SDK1: variants seen among roughly 807,000 people sequenced by gnomAD.
SDK1 encodes the protein sidekick cell adhesion molecule 1.
Under a neutral mutation model 245.5 loss-of-function variants are expected in SDK1, and 157 were observed. The ratio of observed to expected loss-of-function variants is 0.64; its 90% CI spans 0.56 to 0.73. The LOEUF (loss-of-function observed/expected upper bound fraction) is 0.73, where lower values mean the gene tolerates loss of function less well. Ranked by LOEUF, SDK1 falls within the 30% of genes least tolerant of loss-of-function variation. The pLI, the probability that SDK1 is intolerant of heterozygous loss-of-function variation, is 0.00. For synonymous variants in SDK1, 1,647 were observed against 1,278.5 expected, an observed-to-expected ratio of 1.29 and a Z score of -6.15; for missense variants, 3,583 against 3,002.3, an observed-to-expected ratio of 1.19 and a Z score of -4.52.
In SDK1 at chr7:3,313,030, T is replaced by C. The variant is rs113602212; in HGVS notation, c.298+11146T>C. Among the ~76,000 whole-genome samples, 5 of 152,114 alleles carry C rather than the reference T, an allele frequency of 3.3e-5. 1 individual carries two copies. Among genetic ancestry groups the C allele is most frequent in the South Asian group, 4.1e-4 (2 of 4,828 alleles). Reference sequence around the variant, plus strand: ...GCATTTTGTTCATAGCAGAAGATGATTGAATAATAACATCAAAGGCTGGAA... The same window carrying C: ...GCATTTTGTTCATAGCAGAAGATGACTGAATAATAACATCAAAGGCTGGAA... On this transcript the variant is annotated intron_variant, in intron 1 of 44. Coordinates refer to ENST00000404826, the MANE Select transcript of SDK1 (RefSeq NM_152744.4).
At chr7:3,755,559 C>G (rs1779897777) in intron 4 of SDK1, among the ~76,000 whole-genome samples, 1 of 152,104 alleles carries the variant, frequency 6.6e-6, no homozygotes, top group South Asian at 2.1e-4. Flanking sequence ...ATTCGTACCC[C>G]ACACTATTCA....
At chr7:4,115,897 A>G (rs748268284) in intron 25 of SDK1, among the ~76,000 whole-genome samples, 14 of 152,228 alleles carry the variant, frequency 9.2e-5, no homozygotes, top group Admixed American at 2.0e-4. Flanking sequence ...GGAAATGGAC[A>G]GAAAGATGAG....
intron 3 of SDK1, among the ~76,000 whole-genome samples, chr7:3,641,148 A>G (rs1782636088): frequency 6.6e-6 from 1 of 152,176 alleles, no homozygotes; most frequent in Admixed American, 6.5e-5. Flanking sequence ...TTGACTGAAG[A>G]AGACATTGAT....
At chr7:3,821,281 C>G (rs78854802) in intron 4 of SDK1, among the ~76,000 whole-genome samples, 169 bp from the exon 5 acceptor site, 1 of 152,302 alleles carries the variant, frequency 6.6e-6, no homozygotes, top group Non-Finnish European at 1.5e-5. Context: ...AGAAGAGGCT[C>G]TCTCTGGCGT....
intron 1 of SDK1, among the ~76,000 whole-genome samples, chr7:3,417,705 TACA>T (rs1779413316): frequency 3.3e-5 from 5 of 152,236 alleles, no homozygotes; most frequent in African/African-American, 4.8e-5. Flanking sequence ...TTTGCATTGT[TACA>T]TAAAGTGTTT....
At chr7:3,338,368 C>G (rs118105427) in intron 1 of SDK1, 2 of 518,830 alleles carry the variant, frequency 3.9e-6, no homozygotes, top group Non-Finnish European at 7.3e-6. Context: ...GGTCAGGGCA[C>G]GACTCTTGCC....
chr7:4,001,617 G>T (rs547934348), intron 14 of SDK1, among the ~76,000 whole-genome samples: 3 of 152,254 alleles, frequency 2.0e-5, no homozygotes, highest in Non-Finnish European at 1.5e-5. Context: ...ACAAAAACTT[G>T]GTGCATTTTA....
intron 4 of SDK1, among the ~76,000 whole-genome samples, chr7:3,720,247 C>G: frequency 6.6e-6 from 1 of 151,936 alleles, no homozygotes. Context: ...CAGAGCGAGA[C>G]TCTGTGTCAA....
chr7:3,435,801 A>G (rs1393427700), intron 1 of SDK1, among the ~76,000 whole-genome samples: 2 of 152,116 alleles, frequency 1.3e-5, no homozygotes, highest in African/African-American at 2.4e-5. Flanking sequence ...TTCAGTCTCT[A>G]CGTCCCTCAT....
chr7:3,776,705 CTT>C (rs751050683), intron 4 of SDK1, among the ~76,000 whole-genome samples: 4 of 143,750 alleles, frequency 2.8e-5, no homozygotes, highest in Admixed American at 7.0e-5. Context: ...AGATATTTTG[CTT>C]TTTTTTTTTT....
intron 1 of SDK1, among the ~76,000 whole-genome samples, chr7:3,337,222 T>C (rs1228777754): frequency 6.6e-6 from 1 of 152,082 alleles, no homozygotes; most frequent in African/African-American, 2.4e-5. Flanking sequence ...AAATAATTTA[T>C]TAAAAACCAA....
intron 1 of SDK1, among the ~76,000 whole-genome samples, chr7:3,566,713 C>A (rs1583173596): frequency 7.0e-6 from 1 of 142,132 alleles, no homozygotes; most frequent in African/African-American, 2.7e-5. Context: ...CTGCAAGAAA[C>A]TACTGCCAAA....
chr7:3,858,140 G>T (rs115266998), intron 5 of SDK1, among the ~76,000 whole-genome samples: 2,125 of 152,244 alleles, frequency 0.014, 57 homozygotes, highest in African/African-American at 0.049. Context: ...ATTAGTTAAG[G>T]ATAATGAGGT....
rs1240501345 is a variant in SDK1, at chr7:3,657,744, G to T, written c.713+15639G>T. On this transcript the variant is annotated intron_variant, in intron 4 of 44. Transcript: ENST00000404826. ...GCCTATGCAGATGATGTGGAGGCAC[G>T]TATGTTTTTCTTATCTTTCTGCGAG... is the stretch of plus-strand genomic sequence containing the variant. Among the ~76,000 whole-genome samples the T allele has an allele frequency of 9.2e-5, 14 of 152,314 alleles. No individual in the cohort carries two copies. In the South Asian group the frequency reaches 1.7e-3, roughly 18 times the overall value.
At chr7:3,830,850 C>A (rs764977299) in intron 5 of SDK1, among the ~76,000 whole-genome samples, 1 of 152,022 alleles carries the variant, frequency 6.6e-6, no homozygotes, top group Non-Finnish European at 1.5e-5. Flanking sequence ...TAGCCAGCAG[C>A]GAATGCCTGA....
intron 38 of SDK1, among the ~76,000 whole-genome samples, chr7:4,214,720 G>A (rs1420580850): frequency 2.6e-5 from 4 of 152,200 alleles, no homozygotes; most frequent in Admixed American, 6.5e-5. Context: ...GTCAAGCAGC[G>A]GATCCAGGTG....
At chr7:3,998,924 C>CA (rs1209886202) in intron 14 of SDK1, among the ~76,000 whole-genome samples, 1 of 152,126 alleles carries the variant, frequency 6.6e-6, no homozygotes, top group Non-Finnish European at 1.5e-5. Context: ...CCAGGAAGCC[C>CA]AAAGCTAACC....
chr7:4,085,646 C>T (rs1781379367), intron 22 of SDK1, among the ~76,000 whole-genome samples: 1 of 152,132 alleles, frequency 6.6e-6, no homozygotes, highest in African/African-American at 2.4e-5. Flanking sequence ...CCTCCACCTC[C>T]CGGGTTCAAG....
At chr7:3,555,304 C>G (rs1779552683) in intron 1 of SDK1, among the ~76,000 whole-genome samples, 1 of 152,104 alleles carries the variant, frequency 6.6e-6, no homozygotes, top group South Asian at 2.1e-4. Context: ...TCACTTTTGA[C>G]AAAGGTGCCA....
Sources: gnomAD v4.1 joint callset for allele counts (sites outside exome capture counted in the v4.1 genomes callset) on GRCh38, gnomAD v4.1.1 for gene constraint, MANE v1.5 for transcripts, NCBI Gene and HGNC (gene_info 2026-07-23, HGNC 2026-07-21) for gene names.